SLC5A11: variants seen among roughly 807,000 people sequenced by gnomAD.
SLC5A11 encodes sodium/myo-inositol cotransporter 2.
SLC5A11 carries 48 observed loss-of-function variants against 69.8 expected under a neutral mutation model. The ratio of observed to expected loss-of-function variants is 0.69; its 90% CI spans 0.55 to 0.87. SLC5A11 has a LOEUF of 0.87. Ranked by LOEUF, SLC5A11 falls within the 40% of genes least tolerant of loss-of-function variation. SLC5A11 has a pLI of 0.00. For synonymous variants in SLC5A11, 319 were observed against 342.4 expected (o/e 0.93, Z 0.75); for missense variants, 784 against 866.1 (o/e 0.91, Z 1.19).
At chr16:24,849,595 T>TATATATAC (rs2059203967) in intron 1 of SLC5A11, among the ~76,000 whole-genome samples, 1 of 56,880 alleles carries the variant, frequency 1.8e-5, no homozygotes. Flanking sequence ...AAAAAAAAAA[T>TATATATAC]ATATATATAT....
intron 5 of SLC5A11, 34 bp downstream of exon 6, chr16:24,872,253 G>A (rs1348931118): frequency 6.2e-7 from 1 of 1,612,408 alleles, no homozygotes; most frequent in East Asian, 2.2e-5. Flanking sequence ...CTGTAGAATT[G>A]AAAGATGCTT....
intron 10 of SLC5A11, among the ~76,000 whole-genome samples, 178 bp from the exon 12 acceptor site, chr16:24,906,479 G>A (rs1206456708): frequency 6.6e-6 from 1 of 151,880 alleles, no homozygotes; most frequent in Non-Finnish European, 1.5e-5. Flanking sequence ...TTTACAAATA[G>A]GGCAACTCGT....
intron 7 of SLC5A11, among the ~76,000 whole-genome samples, chr16:24,882,245 A>G (rs1597149000): frequency 1.3e-5 from 2 of 152,160 alleles, no homozygotes. Flanking sequence ...AATGATCCCC[A>G]CAGTGCCTGG....
intron 2 of SLC5A11, among the ~76,000 whole-genome samples, chr16:24,860,790 C>A (rs1452708961): frequency 6.6e-6 from 1 of 152,038 alleles, no homozygotes; most frequent in Non-Finnish European, 1.5e-5. Flanking sequence ...ACTGCAAGCT[C>A]CACCTCCCAG....
chr16:24,888,639 A>G lies in SLC5A11; in HGVS notation c.665-2230A>G, dbSNP rs1486340807. On this transcript the variant is annotated intron_variant, in intron 8 of 15. Transcript: ENST00000347898. ...GCTGGGACTACAGGCTCGCGCCACC[A>G]CATCCAGCTTATTTTTGTATTTTTA... Among the ~76,000 whole-genome samples the G allele has an allele frequency of 4.0e-5, 6 of 151,304 alleles. No homozygotes were observed. In the East Asian group the frequency reaches 1.2e-3, roughly 29 times the overall value.
intron 10 of SLC5A11, among the ~76,000 whole-genome samples, chr16:24,905,640 G>GCGCGCGCGCGCGCGCACA (rs1443035551): frequency 7.3e-6 from 1 of 136,698 alleles, no homozygotes; most frequent in African/African-American, 2.8e-5. Context: ...GCGCGCGCGC[G>GCGCGCGCGCGCGCGCACA]CACACACACA....
intron 2 of SLC5A11, 119 bp downstream of exon 3, chr16:24,858,897 A>T: frequency 7.6e-7 from 1 of 1,319,434 alleles, no homozygotes; most frequent in Non-Finnish European, 1.0e-6. Flanking sequence ...AGAAACTAAC[A>T]CAAGGTTATA....
chr16:24,888,594 C>T (rs2048550602), intron 8 of SLC5A11, among the ~76,000 whole-genome samples: 1 of 148,934 alleles, frequency 6.7e-6, no homozygotes, highest in South Asian at 2.1e-4. Context: ...AGTGATTCTC[C>T]TGCCTCAGCC....
At chr16:24,896,204 A>G (rs1213520468) in intron 9 of SLC5A11, among the ~76,000 whole-genome samples, 1 of 151,854 alleles carries the variant, frequency 6.6e-6, no homozygotes, top group East Asian at 1.9e-4. Context: ...AAATAAAATT[A>G]AACATAAAAT....
Position 24,851,343 on chromosome 16 carries a change from T to G in SLC5A11, c.-25+4905T>G, listed in dbSNP as rs1392202033. On this transcript the variant is annotated intron_variant, in intron 1 of 15. Coordinates refer to ENST00000347898, the Ensembl canonical transcript of SLC5A11. Reference sequence around the variant, plus strand: ...GCCTGGCCAACATGGTGAAACCCCATGTCTACTAAAAATACAAAAAAAGAA... The same window carrying G: ...GCCTGGCCAACATGGTGAAACCCCAGGTCTACTAAAAATACAAAAAAAGAA... Among the ~76,000 whole-genome samples the G allele has an allele frequency of 2.0e-5, 3 of 150,712 alleles. No individual in the cohort carries two copies. The East Asian group carries it at 6.0e-4, about 30-fold the overall frequency.
chr16:24,866,500 G>T lies in SLC5A11; in HGVS notation c.208-3401G>T, dbSNP rs568062550. ...AAGCTGAGATGGGAGGATCACTTGAGCCCAGGAGGTGGAGGTAGCAGTGAG... is the reference window on the plus strand; with the variant it reads ...AAGCTGAGATGGGAGGATCACTTGATCCCAGGAGGTGGAGGTAGCAGTGAG... On this transcript the variant is annotated intron_variant, in intron 3 of 15. Transcript: ENST00000347898. 2.5e-4 allele frequency among the ~76,000 whole-genome samples: 38 copies of T among 151,336 alleles called. 1 individual carries two copies. In the South Asian group the frequency reaches 5.7e-3, roughly 23 times the overall value.
chr16:24,858,737 C>G (rs1288387458), exon 2 of SLC5A11: 7 of 1,611,772 alleles, frequency 4.3e-6, no homozygotes, highest in Non-Finnish European at 5.9e-6. Context: ...CATCGCGGTG[C>G]TAGTTCTGTA....
At chr16:24,875,826 T>C in intron 6 of SLC5A11, 95 bp downstream of exon 7, 1 of 980,034 alleles carries the variant, frequency 1.0e-6, no homozygotes, top group Non-Finnish European at 1.6e-6. Context: ...CTATCCCCTT[T>C]CTCCTCGTCT....
chr16:24,867,167 T>C (rs973596443), intron 3 of SLC5A11, among the ~76,000 whole-genome samples: 65 of 152,280 alleles, frequency 4.3e-4, no homozygotes, highest in African/African-American at 1.5e-3. Flanking sequence ...ATGATTGAAA[T>C]AATACAAAGT....
intron 1 of SLC5A11, among the ~76,000 whole-genome samples, chr16:24,848,433 AC>A (rs888338856): frequency 3.3e-5 from 5 of 152,014 alleles, no homozygotes; most frequent in Non-Finnish European, 7.4e-5. Context: ...ACATAGCAAG[AC>A]CCCGTCTCTA....
chr16:24,876,705 G>T (rs1344027666), intron 6 of SLC5A11, among the ~76,000 whole-genome samples: 1 of 152,222 alleles, frequency 6.6e-6, no homozygotes, highest in African/African-American at 2.4e-5. Context: ...AGCTGCAGAT[G>T]TGGGAAGCCT....
At chr16:24,852,269 C>T (rs1172166830) in intron 1 of SLC5A11, among the ~76,000 whole-genome samples, 1 of 152,318 alleles carries the variant, frequency 6.6e-6, no homozygotes, top group East Asian at 1.9e-4. Context: ...CTTCCCACAC[C>T]TGTGACCTGG....
intron 9 of SLC5A11, among the ~76,000 whole-genome samples, chr16:24,896,360 T>G (rs922574576): frequency 3.3e-5 from 5 of 152,008 alleles, no homozygotes; most frequent in African/African-American, 1.2e-4. Flanking sequence ...CTTGACATGG[T>G]TGTTCATGCC....
chr16:24,887,823 C>T (rs1171319697), intron 8 of SLC5A11, among the ~76,000 whole-genome samples: 3 of 151,964 alleles, frequency 2.0e-5, no homozygotes, highest in African/African-American at 7.3e-5. Flanking sequence ...TTGCAAGTGG[C>T]ACATATAAAA....
Sources: gnomAD v4.1 joint callset for allele counts (sites outside exome capture counted in the v4.1 genomes callset) on GRCh38, gnomAD v4.1.1 for gene constraint, MANE v1.5 for transcripts, NCBI Gene and HGNC (gene_info 2026-07-23, HGNC 2026-07-21) for gene names.